Variants in SH2B1 observed in about 807,000 individuals in gnomAD.
SH2B1 encodes SH2B adapter protein 1.
Under a neutral mutation model 62.6 loss-of-function variants are expected in SH2B1, and 15 were observed. That is an observed-to-expected ratio of 0.24 (90% CI 0.16 to 0.37). The LOEUF is 0.37. Ranked by LOEUF, SH2B1 falls within the 10% of genes least tolerant of loss-of-function variation. The pLI is 1.00. For synonymous variants in SH2B1, 443 were observed against 438.0 expected, an observed-to-expected ratio of 1.01 and a Z score of -0.14; for missense variants, 925 against 1,015.6, an observed-to-expected ratio of 0.91 and a Z score of 1.21.
At position 28,852,291 on chromosome 16, in the gene SH2B1, T is replaced by C. The variant is rs867313000; in HGVS notation, c.-301+5464T>C. ...ATATATTTACATATATATATTTACATATATATATTTACATATATATATTTA... is the reference window on the plus strand; with the variant it reads ...ATATATTTACATATATATATTTACACATATATATTTACATATATATATTTA... On this transcript the variant is annotated intron_variant, in intron 1 of 10. Transcript: ENST00000322610. 2.9e-4 allele frequency among the ~76,000 whole-genome samples: 22 copies of C among 76,232 alleles called. 2 individuals are homozygous for C. Among genetic ancestry groups the C allele is most frequent in the African/African-American group, 4.4e-4 (7 of 16,070 alleles). The allele number at this position is 76,232 out of a possible 152,430, so 50.0% of individuals were successfully genotyped here. A position where few individuals can be genotyped will look rare whatever the true frequency, so the allele number is the denominator to read the frequency against.
chr16:28,863,567 T>G, upstream of SH2B1: 1 of 1,041,118 alleles, frequency 9.6e-7, no homozygotes, highest in East Asian at 2.6e-5. Flanking sequence ...CTAAGGCCGG[T>G]TCTCTATGGT....
intron 1 of SH2B1, among the ~76,000 whole-genome samples, chr16:28,853,046 T>TTATATATGTACA (rs1281055696): frequency 3.0e-5 from 3 of 98,780 alleles, no homozygotes; most frequent in Non-Finnish European, 5.3e-5. Context: ...ACATATATAT[T>TTATATATGTACA]TATATATGTA....
At chr16:28,853,128 GTATACATTTA>G (rs1218776654) in intron 1 of SH2B1, among the ~76,000 whole-genome samples, 1 of 112,594 alleles carries the variant, frequency 8.9e-6, no homozygotes, top group Non-Finnish European at 1.7e-5. Flanking sequence ...ATATATTTAT[GTATACATTTA>G]TATAAATATA....
Position 28,852,773 on chromosome 16 carries a change from TATATATATTTAC to T in SH2B1, c.-301+5977_-301+5988del, listed in dbSNP as rs1312341227. ...ACATATATATGTATATATATATTTA[TATATATATTTAC>T]ATATATATTTACATATATATTTACA... On this transcript the variant is annotated intron_variant, in intron 1 of 10. Coordinates refer to the SH2B1 transcript ENST00000322610. Among the ~76,000 whole-genome samples, 224 of 43,626 alleles carry T rather than the reference TATATATATTTAC, an allele frequency of 5.1e-3. 37 individuals carry two copies. The highest frequency in any genetic ancestry group is 0.043 in the Middle Eastern group (2 of 46). 28.6% of individuals were successfully genotyped at this position (43,626 alleles called of 152,430 possible).
chr16:28,872,467 C>T lies in SH2B1; in HGVS notation c.1725+66C>T, dbSNP rs1341533455. On this transcript the variant is annotated intron_variant, in intron 6 of 7. Coordinates refer to ENST00000684370, the MANE Select transcript of SH2B1 (RefSeq NM_001387430.1). The surrounding 1 kb of genome is among the most constrained non-coding windows in gnomAD (Gnocchi z 5.3). ...TGGCAGTGGGGTGGGGGAGCACTGCCGGGGGAGGGGGTTTGTACCTGGCAG... is the reference window on the plus strand; with the variant it reads ...TGGCAGTGGGGTGGGGGAGCACTGCTGGGGGAGGGGGTTTGTACCTGGCAG... 5.1e-6 allele frequency: 8 copies of T among 1,571,048 alleles called. 1 individual carries two copies. In the South Asian group the frequency reaches 7.2e-5, roughly 14 times the overall value.
rs1962900251 is a variant in SH2B1, at chr16:28,869,259, G to A, written c.1185G>A (p.Gly395=). 1.2e-6 allele frequency: 2 copies of A among 1,613,978 alleles called. No individual in the cohort carries two copies. Among genetic ancestry groups the A allele is most frequent in the Admixed American group, 1.7e-5 (1 of 59,982 alleles). ...CCATGACCCTCCCTCTGGCCCCTGG[G>A]ACCTCATTCCTTACAAGGGAGAACA... ...PRPMTLPLAP[G]TSFLTRENTD... The change falls in exon 4 of 8, where the codon GGG becomes GGA. Residue 395 remains glycine (G), a synonymous_variant. Transcript: ENST00000684370.
chr16:28,864,727 A>G lies in SH2B1; in HGVS notation c.-1368A>G. 2.2e-6 allele frequency: 2 copies of G among 915,292 alleles called. No individual in the cohort carries two copies. The highest frequency in any genetic ancestry group is 2.6e-6 in the Non-Finnish European group (2 of 766,096). The allele number at this position is 915,292 out of a possible 1,614,324, so 56.7% of individuals were successfully genotyped here. A position where few individuals can be genotyped will look rare whatever the true frequency, so the allele number is the denominator to read the frequency against. On this transcript the variant is annotated 5_prime_UTR_variant, in exon 1 of 8. Transcript: ENST00000684370. The stretch of plus-strand genomic sequence containing the variant: ...ACAAGAGCCAAGGGTTGTAAATTCC[A>G]CACCCAGCTCTGCCACTTTCTAGTT...
In SH2B1 at chr16:28,854,681, G is replaced by C. The variant is rs140682087; in HGVS notation, c.-300-6937G>C. Among the ~76,000 whole-genome samples, 505 of 152,176 alleles carry C rather than the reference G, an allele frequency of 3.3e-3. 2 individuals are homozygous for C. The highest frequency in any genetic ancestry group is 0.017 in the Middle Eastern group (5 of 294). On this transcript the variant is annotated intron_variant, in intron 1 of 10. Coordinates refer to the SH2B1 transcript ENST00000322610. The stretch of plus-strand genomic sequence containing the variant: ...TGAGGCAGGAGGATCAATTCAGCCT[G>C]GGAGTTCAAGGTTGCATTGAGCTGT...
rs267604498 is a variant in SH2B1, at chr16:28,873,629, C to T, written c.2080C>T (p.Pro694Ser). ...GGGGVPEELV[P>S]VVELVPVVEL... ...TGGAGGGGTCCCGGAAGAGCTGGTC[C>T]CCGTGGTTGAGCTGGTCCCCGTGGT... The change falls in exon 8 of 8, where the codon CCC becomes TCC. Residue 694 changes from proline to serine, a missense_variant. Physicochemically the swap from Pro to Ser is moderately conservative, Grantham distance 74. This residue lies in a region of SH2B1 where 185 missense variants were observed against 189.5 expected (regional missense o/e 0.98). Coordinates refer to ENST00000684370, the MANE Select transcript of SH2B1 (RefSeq NM_001387430.1). The surrounding 1 kb of genome is among the most constrained non-coding windows in gnomAD (Gnocchi z 4.2). The T allele has an allele frequency of 5.2e-6, 8 of 1,540,056 alleles. No individual in the cohort carries two copies. Among genetic ancestry groups the T allele is most frequent in the South Asian group, 2.4e-5 (2 of 82,506 alleles).
intron 1 of SH2B1, 55 bp downstream of exon 1, chr16:28,867,088 G>T (rs903048799): frequency 4.4e-6 from 7 of 1,595,758 alleles, no homozygotes; most frequent in East Asian, 2.2e-5. Flanking sequence ...TGCTCAGAGT[G>T]GTCACAGCCC....
rs746197092 is a variant in SH2B1 at position 28,868,998 on chromosome 16, C to T, written c.1042-8C>T. On this transcript the variant is annotated splice_region_variant and splice_polypyrimidine_tract_variant and intron_variant, in intron 2 of 7. Transcript: ENST00000684370. Reference sequence around the variant, plus strand: ...TGCCCCAGCTGAGGCGTCGTCTCATCTCTGTAGGTGGAAGGTCCATCCGAG... The same window carrying T: ...TGCCCCAGCTGAGGCGTCGTCTCATTTCTGTAGGTGGAAGGTCCATCCGAG... The T allele has an allele frequency of 2.4e-5, 39 of 1,612,472 alleles. No homozygotes were observed. Among genetic ancestry groups the T allele is most frequent in the Non-Finnish European group, 3.3e-5 (39 of 1,178,468 alleles).
At chr16:28,867,215 G>A in intron 1 of SH2B1, 116 bp from the exon 2 acceptor site, 1 of 1,204,264 alleles carries the variant, frequency 8.3e-7, no homozygotes, top group South Asian at 1.3e-5. Context: ...AAAGCAGTGT[G>A]ACTGCCTTTT....
intron 1 of SH2B1, among the ~76,000 whole-genome samples, chr16:28,852,615 CATAT>C (rs1181302006): frequency 1.4e-5 from 1 of 73,446 alleles, no homozygotes; most frequent in Non-Finnish European, 2.2e-5. Flanking sequence ...TATATATACA[CATAT>C]ATATTTATAT....
At chr16:28,867,175 T>TCTGTAAAG in intron 1 of SH2B1, 142 bp downstream of exon 1, 2 of 1,329,574 alleles carry the variant, frequency 1.5e-6, no homozygotes, top group Non-Finnish European at 2.1e-6. Flanking sequence ...GGCTCTTGGC[T>TCTGTAAAG]CTGTGTTAGC....
Position 28,864,770 on chromosome 16 carries a change from C to T in SH2B1, c.-1325C>T, listed in dbSNP as rs1962594624. On this transcript the variant is annotated 5_prime_UTR_variant, in exon 1 of 8. Transcript: ENST00000684370. Reference sequence around the variant, plus strand: ...TTCTAGTTGTAAGACCTTGAGAGGGCTCCTCCTTTCTCTAATTTCTATTTT... The same window carrying T: ...TTCTAGTTGTAAGACCTTGAGAGGGTTCCTCCTTTCTCTAATTTCTATTTT... 5 of 496,300 alleles carry T rather than the reference C, an allele frequency of 1.0e-5. No homozygotes were observed. Among genetic ancestry groups the T allele is most frequent in the Non-Finnish European group, 1.3e-5 (5 of 383,360 alleles). The allele number at this position is 496,300 out of a possible 1,614,324, so 30.7% of individuals were successfully genotyped here.
At position 28,865,965 on chromosome 16, in the gene SH2B1, C is replaced by A; in HGVS notation, c.-130C>A. The A allele has an allele frequency of 6.8e-7, 1 of 1,461,990 alleles. No individual in the cohort carries two copies. The highest frequency in any genetic ancestry group is 9.0e-7 in the Non-Finnish European group (1 of 1,114,900). 90.6% of individuals were successfully genotyped at this position (1,461,990 alleles called of 1,614,324 possible). ...TGGGGGTGGGATGCAGCCTCCGGTG[C>A]GCCCTCAGCAGTGACCCTCGTGTGT... On this transcript the variant is annotated 5_prime_UTR_variant, in exon 1 of 8. Coordinates refer to ENST00000684370, the MANE Select transcript of SH2B1 (RefSeq NM_001387430.1).
In SH2B1 at chr16:28,871,944, G is replaced by A; in HGVS notation, c.1474G>A (p.Ala492Thr). ...PPTGTVHPLS[A>T]PYPPLDTPET... is the part of the protein sequence containing the mutation. ...AACAGGGACAGTTCATCCCCTCTCAGCCCCCTACCCTCCCTTGGACACTCC... is the reference window on the plus strand; with the variant it reads ...AACAGGGACAGTTCATCCCCTCTCAACCCCCTACCCTCCCTTGGACACTCC... The change falls in exon 5 of 8, where the codon GCC (alanine) becomes ACC (threonine). Residue 492 changes from alanine to threonine, a missense_variant. This residue lies in a region of SH2B1 where 683 missense variants were observed against 704.0 expected (regional missense o/e 0.97). Coordinates refer to ENST00000684370, the MANE Select transcript of SH2B1 (RefSeq NM_001387430.1). 6.2e-7 allele frequency: 1 copy of A among 1,602,988 alleles called. No individual in the cohort carries two copies. Among genetic ancestry groups the A allele is most frequent in the Non-Finnish European group, 8.5e-7 (1 of 1,174,080 alleles).
At chr16:28,852,529 T>C (rs1182851123) in intron 1 of SH2B1, among the ~76,000 whole-genome samples, 3 of 54,448 alleles carry the variant, frequency 5.5e-5, no homozygotes, top group African/African-American at 2.1e-4. Context: ...TTTATATATA[T>C]ACACATATAT....
chr16:28,867,481 A>G, intron 2 of SH2B1, 49 bp downstream of exon 2: 2 of 1,420,022 alleles, frequency 1.4e-6, no homozygotes, highest in Non-Finnish European at 2.0e-6. Flanking sequence ...TTAAGGAGAA[A>G]GCCCTCAGCG....
Sources: allele counts gnomAD v4.1 joint callset (sites outside exome capture counted in the v4.1 genomes callset), GRCh38; gene constraint gnomAD v4.1.1; regional missense constraint gnomAD v4.1.1; non-coding constraint Gnocchi (gnomAD v3.1); transcripts MANE v1.5; gene names NCBI Gene and HGNC (gene_info 2026-07-23, HGNC 2026-07-21).